RUFY1: variants seen among roughly 807,000 people sequenced by gnomAD.
RUFY1 encodes the protein RUN and FYVE domain-containing protein 1.
A neutral mutation model predicts 94.6 loss-of-function variants in RUFY1; 54 were observed. The ratio of observed to expected loss-of-function variants is 0.57; its 90% CI spans 0.46 to 0.72. The LOEUF is 0.72. Among genes scored for constraint, RUFY1 ranks in the 30% least tolerant of loss-of-function variants. RUFY1 has a pLI of 0.00. For synonymous variants in RUFY1, 396 were observed against 347.3 expected (o/e 1.14, Z -1.56); for missense variants, 883 against 883.9 (o/e 1.00, Z 0.01).
In RUFY1 at chr5:179,579,657, CTTTT is replaced by C. The variant is rs61062422; in HGVS notation, c.891-1271_891-1268del. Among the ~76,000 whole-genome samples the C allele has an allele frequency of 2.0e-4, 10 of 50,562 alleles. 1 individual carries two copies. Among genetic ancestry groups the C allele is most frequent in the Admixed American group, 1.5e-3 (4 of 2,644 alleles). The allele number at this position is 50,562 out of a possible 152,430, so 33.2% of individuals were successfully genotyped here. A position where few individuals can be genotyped will look rare whatever the true frequency, so the allele number is the denominator to read the frequency against. On this transcript the variant is annotated intron_variant, in intron 6 of 17. Coordinates refer to ENST00000319449, the MANE Select transcript of RUFY1 (RefSeq NM_025158.5). ...TAACAAAATATACCCTTTTCTTCTT[CTTTT>C]TTTTTTTTTTTTTTTTTTGAGATGG...
intron 7 of RUFY1, among the ~76,000 whole-genome samples, chr5:179,584,857 C>T (rs185803265): frequency 3.6e-4 from 55 of 152,256 alleles, no homozygotes; most frequent in Non-Finnish European, 6.5e-4. Flanking sequence ...ACCTTGGGAC[C>T]GGGCGCAGTG....
rs199506823 is a variant in RUFY1, at chr5:179,605,939, A to G, written c.1905+15A>G. On this transcript the variant is annotated intron_variant, in intron 16 of 17. Transcript: ENST00000319449. ...AGGCACTGAAGGTACTGCCTTGCTAAGAACCACTTCTTTGCTGTCAGCTTG... is the reference window on the plus strand; with the variant it reads ...AGGCACTGAAGGTACTGCCTTGCTAGGAACCACTTCTTTGCTGTCAGCTTG... The G allele has an allele frequency of 2.2e-5, 35 of 1,580,788 alleles. No individual in the cohort carries two copies. The highest frequency in any genetic ancestry group is 2.2e-5 in the Non-Finnish European group (25 of 1,150,934).
chr5:179,589,517 TAAG>T (rs781572573), intron 8 of RUFY1, 26 bp from the exon 9 acceptor site: 7 of 1,422,722 alleles, frequency 4.9e-6, no homozygotes, highest in Admixed American at 1.7e-5. Flanking sequence ...ATTTTGATGT[TAAG>T]AACTGTAAAA....
chr5:179,582,548 A>G (rs761386867), intron 7 of RUFY1, among the ~76,000 whole-genome samples: 3 of 152,126 alleles, frequency 2.0e-5, no homozygotes, highest in Admixed American at 6.5e-5. Flanking sequence ...TCATAATTCA[A>G]TTATCCTTTT....
chr5:179,558,348 G>A (rs907713483), intron 1 of RUFY1, among the ~76,000 whole-genome samples: 8 of 152,102 alleles, frequency 5.3e-5, no homozygotes, highest in Admixed American at 3.3e-4. Context: ...CAAGGCGGGC[G>A]GATCACCTGA....
intron 12 of RUFY1, chr5:179,596,057 C>T (rs768390589): frequency 7.1e-5 from 12 of 170,016 alleles, no homozygotes; most frequent in South Asian, 2.5e-4. Context: ...ATAGCAGCTC[C>T]GTTCATAACT....
At chr5:179,598,051 G>A (rs111666074) in intron 13 of RUFY1, among the ~76,000 whole-genome samples, 36 of 152,356 alleles carry the variant, frequency 2.4e-4, no homozygotes, top group Middle Eastern at 6.8e-3. Context: ...TTAGCTGGGC[G>A]TGGTGGCGTG....
rs1765469121 is a variant in RUFY1 at position 179,594,938 on chromosome 5, T to A, written c.1486T>A (p.Ser496Thr). The A allele has an allele frequency of 6.2e-7, 1 of 1,612,106 alleles. No homozygotes were observed. Among genetic ancestry groups the A allele is most frequent in the African/African-American group, 1.3e-5 (1 of 74,954 alleles). ...SFEGKTNQVM[S>T]SMKQMEERLQ... The stretch of plus-strand genomic sequence containing the variant: ...TGAAGGAAAAACCAACCAAGTTATG[T>A]CCAGCATGAAACAAATGGAAGAAAG... Residue 496 changes from serine (S) to threonine (T), a missense_variant, in exon 12 of 18, where the codon TCC (serine) becomes ACC (threonine). Physicochemically the swap from Ser to Thr is moderately conservative, Grantham distance 58. Transcript: ENST00000319449.
intron 12 of RUFY1, among the ~76,000 whole-genome samples, chr5:179,595,359 T>G (rs1377074539): frequency 6.6e-6 from 1 of 151,698 alleles, no homozygotes; most frequent in Non-Finnish European, 1.5e-5. Flanking sequence ...AAACTTCATC[T>G]CAAAACAAAA....
intron 7 of RUFY1, among the ~76,000 whole-genome samples, chr5:179,584,625 A>G (rs1165244481): frequency 1.3e-5 from 2 of 152,066 alleles, no homozygotes; most frequent in Non-Finnish European, 2.9e-5. Flanking sequence ...CTACAAAAAA[A>G]TACAAAAATT....
intron 16 of RUFY1, chr5:179,606,249 A>G (rs1159134749): frequency 2.7e-6 from 1 of 365,326 alleles, no homozygotes; most frequent in African/African-American, 2.1e-5. Context: ...AACAGTGGAA[A>G]ACAGGCCCTT....
chr5:179,595,611 G>C (rs1765559333), intron 12 of RUFY1, among the ~76,000 whole-genome samples: 1 of 151,454 alleles, frequency 6.6e-6, no homozygotes, highest in Non-Finnish European at 1.5e-5. Flanking sequence ...GAGTGCAATG[G>C]TGCGATCTCA....
At chr5:179,580,926 T>G in intron 6 of RUFY1, 21 bp from the exon 7 acceptor site, 1 of 1,495,522 alleles carries the variant, frequency 6.7e-7, no homozygotes, top group East Asian at 2.3e-5. Context: ...AAGTTCTTCC[T>G]TCTTATGCTC....
In RUFY1 at chr5:179,589,557, A is replaced by G; in HGVS notation, c.1038A>G (p.Ala346=). The change falls in exon 9 of 18, where the codon GCA becomes GCG. Residue 346 remains alanine (A), a synonymous_variant. Coordinates refer to ENST00000319449, the MANE Select transcript of RUFY1 (RefSeq NM_025158.5). ...NSKLQEELSA[A]TDRICSLQEE... ...TTTTCCTTAATCAGCTTTCAGCTGC[A>G]ACAGACCGAATTTGCTCACTTCAAG... The G allele has an allele frequency of 1.2e-6, 2 of 1,613,906 alleles. No homozygotes were observed. The highest frequency in any genetic ancestry group is 1.7e-6 in the Non-Finnish European group (2 of 1,179,772).
intron 11 of RUFY1, among the ~76,000 whole-genome samples, chr5:179,594,326 G>C (rs1361752799): frequency 1.3e-5 from 2 of 151,372 alleles, no homozygotes; most frequent in Non-Finnish European, 2.9e-5. Flanking sequence ...AAGTCATTTA[G>C]TATTGTCTTT....
intron 3 of RUFY1, among the ~76,000 whole-genome samples, chr5:179,564,004 A>G (rs1366237081): frequency 2.0e-5 from 3 of 151,732 alleles, no homozygotes; most frequent in Admixed American, 6.6e-5. Flanking sequence ...TCTCAAGTCT[A>G]CTGCCCTGCG....
intron 5 of RUFY1, among the ~76,000 whole-genome samples, chr5:179,573,033 G>T (rs1190482150): frequency 2.0e-5 from 3 of 152,096 alleles, no homozygotes; most frequent in Non-Finnish European, 2.9e-5. Flanking sequence ...CTACTAATTT[G>T]AAATTCCACT....
chr5:179,564,299 T>A (rs888134794), intron 3 of RUFY1, among the ~76,000 whole-genome samples: 6 of 151,840 alleles, frequency 4.0e-5, no homozygotes, highest in African/African-American at 1.5e-4. Context: ...TTTGTATCTT[T>A]AGTAGAGATG....
At position 179,598,698 on chromosome 5, in the gene RUFY1, C is replaced by T. The variant is rs533425457; in HGVS notation, c.1638C>T (p.Ser546=). The change falls in exon 14 of 18, where the codon AGC becomes AGT. Residue 546 remains serine, a synonymous_variant. Transcript: ENST00000319449. ...QLSQLHEQCS[S]LEKELKSEKE... ...GTTCATTTTGGGAAAACAGCTCAAG[C>T]CTGGAGAAAGAATTGAAATCAGAAA... 1.2e-6 allele frequency: 2 copies of T among 1,614,098 alleles called. No homozygotes were observed. Among genetic ancestry groups the T allele is most frequent in the Admixed American group, 3.3e-5 (2 of 60,002 alleles).
Sources: allele counts gnomAD v4.1 joint callset (sites outside exome capture counted in the v4.1 genomes callset), GRCh38; gene constraint gnomAD v4.1.1; transcripts MANE v1.5; gene names NCBI Gene and HGNC (gene_info 2026-07-23, HGNC 2026-07-21).